Variants in ZGRF1 observed in about 807,000 individuals in gnomAD.
The protein encoded by ZGRF1 is zinc finger GRF-type containing 1, also known as 5'-3' DNA helicase ZGRF1.
Under a neutral mutation model 203.5 loss-of-function variants are expected in ZGRF1, and 196 were observed. The observed-to-expected ratio is 0.96, with a 90% confidence interval of 0.86 to 1.08. ZGRF1 has a LOEUF of 1.08. Among genes scored for constraint, ZGRF1 ranks in the 50% least tolerant of loss-of-function variants. The pLI is 0.00. For missense variants in ZGRF1, 2,326 were observed against 2,416.3 expected (o/e 0.96, Z 0.78); for synonymous variants, 809 against 841.3 (o/e 0.96, Z 0.66).
intron 3 of ZGRF1, among the ~76,000 whole-genome samples, chr4:112,624,963 G>GT (rs1329625830): frequency 2.6e-5 from 4 of 152,148 alleles, no homozygotes; most frequent in African/African-American, 9.7e-5. Context: ...TATATCAACT[G>GT]TATTATGAAT....
In ZGRF1 at chr4:112,541,917, G is replaced by A. The variant is rs112360343; in HGVS notation, c.5599-649C>T. Among the ~76,000 whole-genome samples the A allele has an allele frequency of 5.5e-3, 838 of 152,278 alleles. 9 individuals carry two copies. Among genetic ancestry groups the A allele is most frequent in the African/African-American group, 0.019 (793 of 41,546 alleles). ...AATTAGGAGGTGTCGTAAATATCTC[G>A]TTAACTTTCCTCACTGAGTAAAAGC... On this transcript the variant is annotated intron_variant, in intron 24 of 27. Coordinates refer to ENST00000505019, the MANE Select transcript of ZGRF1 (RefSeq NM_018392.5).
intron 10 of ZGRF1, among the ~76,000 whole-genome samples, chr4:112,601,233 C>T (rs937630647): frequency 6.6e-6 from 1 of 151,728 alleles, no homozygotes; most frequent in African/African-American, 2.4e-5. Context: ...CCTGGTGAAA[C>T]AACATCTCAA....
chr4:112,558,264 A>C lies in ZGRF1; in HGVS notation c.5006T>G (p.Leu1669Trp). Residue 1669 changes from leucine (L) to tryptophan (W), a missense_variant, in exon 20 of 28, where the codon TTG becomes TGG. Physicochemically the swap from Leu to Trp is moderately conservative, Grantham distance 61. Coordinates refer to ENST00000505019, the MANE Select transcript of ZGRF1 (RefSeq NM_018392.5). ...CTTTTCAAACAGCTGTACAAAGAAC[A>C]AAATCACCACTGCCAGCAAGTAACT... is the stretch of plus-strand genomic sequence containing the variant. ...GKSYLLAVVILFFVQLFEKSE... is the reference protein window; with the variant it reads ...GKSYLLAVVIWFFVQLFEKSE... 1 of 1,590,428 alleles carries C rather than the reference A, an allele frequency of 6.3e-7. No homozygotes were observed. Among genetic ancestry groups the C allele is most frequent in the South Asian group, 1.2e-5 (1 of 85,872 alleles).
intron 4 of ZGRF1, among the ~76,000 whole-genome samples, chr4:112,622,080 A>G (rs1214613709): frequency 2.0e-5 from 3 of 152,122 alleles, no homozygotes; most frequent in African/African-American, 7.2e-5. Flanking sequence ...CAGACCATAT[A>G]CTAAGATACT....
intron 3 of ZGRF1, among the ~76,000 whole-genome samples, chr4:112,630,886 C>CA (rs755413043): frequency 3.0e-3 from 314 of 103,232 alleles, no homozygotes; most frequent in East Asian, 0.016. Flanking sequence ...GATTCTGGCT[C>CA]AAAAAAAAAA....
At chr4:112,609,081 T>G (rs1339044557) in intron 8 of ZGRF1, among the ~76,000 whole-genome samples, 1 of 150,690 alleles carries the variant, frequency 6.6e-6, no homozygotes, top group Non-Finnish European at 1.5e-5. Context: ...TGAGACAGAG[T>G]CTCACTCTGT....
At chr4:112,581,395 T>C (rs551476392) in intron 16 of ZGRF1, among the ~76,000 whole-genome samples, 1 of 151,418 alleles carries the variant, frequency 6.6e-6, no homozygotes, top group South Asian at 2.1e-4. Flanking sequence ...AACCTACACG[T>C]TGTGCACATG....
At chr4:112,604,770 A>C (rs1750526150) in intron 9 of ZGRF1, among the ~76,000 whole-genome samples, 1 of 152,204 alleles carries the variant, frequency 6.6e-6, no homozygotes, top group Non-Finnish European at 1.5e-5. Context: ...TTCAGGCTTC[A>C]AATGGCTTTC....
intron 20 of ZGRF1, 97 bp from the exon 21 acceptor site, chr4:112,554,879 T>C: frequency 3.5e-6 from 2 of 576,342 alleles, no homozygotes; most frequent in Non-Finnish European, 5.9e-6. Context: ...TGTGTAACAG[T>C]ATATTTTAAT....
intron 7 of ZGRF1, chr4:112,610,881 C>T (rs529850525): frequency 1.3e-4 from 29 of 223,002 alleles, no homozygotes; most frequent in African/African-American, 3.3e-4. Flanking sequence ...GATAATACAA[C>T]GATATTAAGG....
At chr4:112,611,717 T>G (rs542934107) in intron 7 of ZGRF1, among the ~76,000 whole-genome samples, 270 of 152,356 alleles carry the variant, frequency 1.8e-3, no homozygotes, top group African/African-American at 6.4e-3. Context: ...CAGTGTCACC[T>G]GACATCTGTC....
Position 112,618,701 on chromosome 4 carries a change from C to T in ZGRF1, c.1341G>A (p.Gly447=), listed in dbSNP as rs777961317. 6.2e-7 allele frequency: 1 copy of T among 1,611,524 alleles called. No individual in the cohort carries two copies. Among genetic ancestry groups the T allele is most frequent in the Admixed American group, 1.7e-5 (1 of 59,890 alleles). ...NKIPFNQNDK[G]CIKGSVLIKE... is the part of the protein sequence containing the mutation. ...TAATGAGAACTGATCCTTTAATGCA[C>T]CCCTTGTCATTTTGATTAAAAGGTA... The change falls in exon 6 of 28, where the codon GGG becomes GGA. Residue 447 remains glycine (G), a synonymous_variant. Coordinates refer to ENST00000505019, the MANE Select transcript of ZGRF1 (RefSeq NM_018392.5).
chr4:112,620,409 G>A (rs1399263800), intron 4 of ZGRF1, among the ~76,000 whole-genome samples: 1 of 152,148 alleles, frequency 6.6e-6, no homozygotes, highest in Non-Finnish European at 1.5e-5. Flanking sequence ...TCTCTGATTT[G>A]TTTATTCAAC....
In ZGRF1 at chr4:112,566,743, CT is replaced by C. The variant is rs540625092; in HGVS notation, c.4439-3470del. On this transcript the variant is annotated intron_variant, in intron 16 of 27. Coordinates refer to ENST00000505019, the MANE Select transcript of ZGRF1 (RefSeq NM_018392.5). ...CTCGAGTTGGAGGGCCTGTTTTGTA[CT>C]GGGGTTTGTGTCCCTGAAGTGATTT... Among the ~76,000 whole-genome samples the C allele has an allele frequency of 6.1e-4, 93 of 152,006 alleles. 1 individual carries two copies. The highest frequency in any genetic ancestry group is 2.2e-3 in the African/African-American group (90 of 41,462).
chr4:112,577,063 G>T (rs1578335135), intron 16 of ZGRF1, among the ~76,000 whole-genome samples: 4 of 59,078 alleles, frequency 6.8e-5, no homozygotes, highest in Non-Finnish European at 1.3e-4. Flanking sequence ...AAGCCCATTA[G>T]ACTAACAGCT....
intron 10 of ZGRF1, among the ~76,000 whole-genome samples, chr4:112,597,545 T>C (rs568908057): frequency 6.6e-5 from 10 of 151,574 alleles, no homozygotes; most frequent in African/African-American, 2.2e-4. Flanking sequence ...ATAATAGTAA[T>C]AGTAATAATA....
chr4:112,554,012 T>G, intron 21 of ZGRF1, 30 bp from the exon 22 acceptor site: 1 of 1,564,772 alleles, frequency 6.4e-7, no homozygotes, highest in East Asian at 2.3e-5. Context: ...CACTCCTCTT[T>G]ATTCCATTTT....
At chr4:112,580,662 A>C (rs1746063957) in intron 16 of ZGRF1, among the ~76,000 whole-genome samples, 2 of 152,164 alleles carry the variant, frequency 1.3e-5, no homozygotes, top group African/African-American at 2.4e-5. Context: ...ATGCAGCCAA[A>C]AGACACATGA....
intron 8 of ZGRF1, among the ~76,000 whole-genome samples, chr4:112,608,439 A>G (rs1039600361): frequency 1.3e-5 from 2 of 152,056 alleles, no homozygotes; most frequent in Non-Finnish European, 2.9e-5. Flanking sequence ...ACCAACATGG[A>G]GAAACCCCAT....
Sources: allele counts gnomAD v4.1 joint callset (sites outside exome capture counted in the v4.1 genomes callset), GRCh38; gene constraint gnomAD v4.1.1; transcripts MANE v1.5; gene names NCBI Gene and HGNC (gene_info 2026-07-23, HGNC 2026-07-21).